CDKL3: variants seen among roughly 807,000 people sequenced by gnomAD.
CDKL3 encodes the protein cyclin dependent kinase like 3.
Under a neutral mutation model 69.3 loss-of-function variants are expected in CDKL3, and 65 were observed. The observed-to-expected ratio is 0.94, with a 90% confidence interval of 0.77 to 1.15. The LOEUF is 1.15. Ranked by LOEUF, CDKL3 falls within the 50% of genes most tolerant of loss-of-function variation. The pLI is 0.00. For synonymous variants in CDKL3, 202 were observed against 221.6 expected, an observed-to-expected ratio of 0.91 and a Z score of 0.79; for missense variants, 652 against 689.2, an observed-to-expected ratio of 0.95 and a Z score of 0.61.
chr5:134,308,827 TAC>T (rs1474260437), intron 7 of CDKL3, 100 bp from the exon 8 acceptor site: 3 of 1,021,070 alleles, frequency 2.9e-6, no homozygotes, highest in Non-Finnish European at 4.1e-6. Context: ...ACATTTCAGC[TAC>T]AGCATAAATA....
chr5:134,289,141 A>G lies in CDKL3; in HGVS notation c.*678-2582T>C, dbSNP rs115199801. On this transcript the variant is annotated intron_variant and NMD_transcript_variant, in intron 8 of 8. Coordinates refer to the CDKL3 transcript ENST00000519312. ...CATGTTACTGTAGTTCAGCCTAGAC[A>G]GCAGAGCAAGACCCTGTCTCATAAA... Among the ~76,000 whole-genome samples the G allele has an allele frequency of 9.8e-3, 1,423 of 145,308 alleles. 32 individuals are homozygous for G. Among genetic ancestry groups the G allele is most frequent in the African/African-American group, 0.036 (1,359 of 38,184 alleles).
intron 4 of CDKL3, among the ~76,000 whole-genome samples, chr5:134,335,706 A>T (rs1776932244): frequency 6.6e-6 from 1 of 152,098 alleles, no homozygotes; most frequent in South Asian, 2.1e-4. Flanking sequence ...TAGTCTGATG[A>T]GCTTCCCTTT....
chr5:134,321,693 T>C (rs1039579750), intron 5 of CDKL3, 98 bp downstream of exon 5: 2 of 681,712 alleles, frequency 2.9e-6, no homozygotes, highest in Non-Finnish European at 5.2e-6. Flanking sequence ...TATGCTTCCC[T>C]GTACTTACAC....
intron 4 of CDKL3, among the ~76,000 whole-genome samples, chr5:134,322,433 A>G (rs1773050642): frequency 6.6e-6 from 1 of 152,200 alleles, no homozygotes; most frequent in East Asian, 1.9e-4. Context: ...AACTTATATG[A>G]CTTCTTTGGA....
upstream of CDKL3, among the ~76,000 whole-genome samples, chr5:134,368,536 G>A (rs1178654897): frequency 6.7e-6 from 1 of 149,476 alleles, no homozygotes; most frequent in South Asian, 2.1e-4. Context: ...GGAGAATGGC[G>A]TGAATCCGGG....
At chr5:134,355,195 T>C (rs1581204213) in intron 3 of CDKL3, among the ~76,000 whole-genome samples, 2 of 124,328 alleles carry the variant, frequency 1.6e-5, no homozygotes, top group Non-Finnish European at 3.1e-5. Flanking sequence ...ATCATGCCAA[T>C]ACACTCCAGC....
chr5:134,310,406 G>C (rs1328702563), intron 7 of CDKL3, among the ~76,000 whole-genome samples: 1 of 151,434 alleles, frequency 6.6e-6, no homozygotes, highest in African/African-American at 2.4e-5. Flanking sequence ...TAGTCAGGAT[G>C]GTCTTGATCT....
rs1765547173 is a variant in CDKL3, at chr5:134,298,652, T to C, written c.1778A>G (p.Ter593TrpextTer23). 1.2e-6 allele frequency: 2 copies of C among 1,612,336 alleles called. No homozygotes were observed. The highest frequency in any genetic ancestry group is 1.7e-5 in the Admixed American group (1 of 59,732). Reference sequence around the variant, plus strand: ...TTGGACTATGTAAAAGAAAAGACACTACCAGAAAAAAAACCTGTTTCTCTT... The same window carrying C: ...TTGGACTATGTAAAAGAAAAGACACCACCAGAAAAAAAACCTGTTTCTCTT... ...NLKRNRFFFW[*>W] The change falls in exon 13 of 13, where the codon TAG (stop) becomes TGG (tryptophan). Residue 593 changes from the stop codon to tryptophan (W), a stop_lost. Coordinates refer to ENST00000265334, the MANE Select transcript of CDKL3 (RefSeq NM_001113575.2).
At chr5:134,305,590 C>G (rs17167438) in intron 10 of CDKL3, among the ~76,000 whole-genome samples, 23,609 of 152,160 alleles carry the variant, frequency 0.16, 2,362 homozygotes, top group African/African-American at 0.28. Flanking sequence ...TCTGGGAAAC[C>G]TTCTGTGTTA....
upstream of CDKL3, among the ~76,000 whole-genome samples, chr5:134,367,759 GA>G (rs1352176051): frequency 2.0e-5 from 3 of 151,878 alleles, no homozygotes; most frequent in Admixed American, 1.3e-4. Context: ...CTTTTTTAAA[GA>G]AAAAAAACCT....
intron 4 of CDKL3, among the ~76,000 whole-genome samples, chr5:134,336,911 T>C (rs1158626601): frequency 3.3e-5 from 5 of 152,232 alleles, no homozygotes; most frequent in African/African-American, 1.2e-4. Flanking sequence ...TGCTGCCTTT[T>C]GTTCAGATAT....
At chr5:134,316,016 A>G (rs990106100) in intron 6 of CDKL3, among the ~76,000 whole-genome samples, 9 of 152,192 alleles carry the variant, frequency 5.9e-5, no homozygotes, top group Admixed American at 4.6e-4. Flanking sequence ...CAGTGGCACA[A>G]TCACAACTCA....
downstream of CDKL3, among the ~76,000 whole-genome samples, chr5:134,295,359 T>C (rs1239592765): frequency 6.6e-6 from 1 of 152,102 alleles, no homozygotes; most frequent in Non-Finnish European, 1.5e-5. Context: ...ATGCATAGAT[T>C]TAAAACAAGC....
At chr5:134,359,274 GGCAACGAGA>G (rs1212978107) in intron 3 of CDKL3, among the ~76,000 whole-genome samples, 1 of 151,920 alleles carries the variant, frequency 6.6e-6, no homozygotes, top group African/African-American at 2.4e-5. Flanking sequence ...CTCCAGCCTG[GGCAACGAGA>G]GCAAAACTCC....
At chr5:134,335,333 A>G (rs1344987371) in intron 4 of CDKL3, among the ~76,000 whole-genome samples, 2 of 152,046 alleles carry the variant, frequency 1.3e-5, no homozygotes, top group Admixed American at 6.6e-5. Context: ...TTTAAGGTTA[A>G]TATTATTATG....
At chr5:134,323,618 A>AT (rs1363080122) in intron 4 of CDKL3, among the ~76,000 whole-genome samples, 2 of 152,212 alleles carry the variant, frequency 1.3e-5, no homozygotes, top group African/African-American at 4.8e-5. Flanking sequence ...GAATAATAAG[A>AT]TAAAAAAAAG....
At position 134,312,352 on chromosome 5, in the gene CDKL3, C is replaced by A; in HGVS notation, c.821G>T (p.Arg274Met). 1.3e-6 allele frequency: 2 copies of A among 1,597,440 alleles called. No homozygotes were observed. The highest frequency in any genetic ancestry group is 8.5e-7 in the Non-Finnish European group (1 of 1,173,022). Residue 274 changes from arginine (R) to methionine (M), a missense_variant, in exon 7 of 13, where the codon AGG (arginine) becomes ATG (methionine). Coordinates refer to ENST00000265334, the MANE Select transcript of CDKL3 (RefSeq NM_001113575.2). ...HACLQIDPAD[R>M]ISSSDLLHHE... The stretch of plus-strand genomic sequence containing the variant: ...ATGCAAAAGATCACTAGATGATATC[C>A]TGTCAGCAGGATCAATTTGTAAACA...
At chr5:134,335,319 T>A (rs1047261743) in intron 4 of CDKL3, among the ~76,000 whole-genome samples, 1 of 152,220 alleles carries the variant, frequency 6.6e-6, no homozygotes, top group Non-Finnish European at 1.5e-5. Context: ...TTAGCTCATT[T>A]ACATTTAAGG....
At chr5:134,352,604 T>C (rs943552502) in intron 3 of CDKL3, among the ~76,000 whole-genome samples, 1 of 151,934 alleles carries the variant, frequency 6.6e-6, no homozygotes, top group African/African-American at 2.4e-5. Context: ...CCCAGCAACC[T>C]TTGCCCATTT....
Sources: gnomAD v4.1 joint callset for allele counts (sites outside exome capture counted in the v4.1 genomes callset) on GRCh38, gnomAD v4.1.1 for gene constraint, MANE v1.5 for transcripts, NCBI Gene and HGNC (gene_info 2026-07-23, HGNC 2026-07-21) for gene names.